IL19: variants seen among roughly 807,000 people sequenced by gnomAD.
IL19 encodes interleukin 19, also known as interleukin-19.
Under a neutral mutation model 19.5 loss-of-function variants are expected in IL19, and 15 were observed. The ratio of observed to expected loss-of-function variants is 0.77; its 90% CI spans 0.52 to 1.19. IL19 has a LOEUF of 1.19. Ranked by LOEUF, IL19 falls within the 50% of genes most tolerant of loss-of-function variation. The probability of loss-of-function intolerance (pLI) is 0.00; values close to 1 mark genes in which losing one functional copy is unlikely to be tolerated. For synonymous variants in IL19, 78 were observed against 78.3 expected, an observed-to-expected ratio of 1.00 and a Z score of 0.02; for missense variants, 199 against 213.1, an observed-to-expected ratio of 0.93 and a Z score of 0.41.
At chr1:206,774,833 A>G (rs1674952411) in intron 1 of IL19, among the ~76,000 whole-genome samples, 1 of 152,040 alleles carries the variant, frequency 6.6e-6, no homozygotes, top group Non-Finnish European at 1.5e-5. Flanking sequence ...GAGGCTAAGG[A>G]GGTGGTCTGG....
intron 2 of IL19, chr1:206,833,759 C>G: frequency 1.0e-6 from 1 of 985,498 alleles, no homozygotes; most frequent in Non-Finnish European, 1.2e-6. Context: ...AGAGAACCCT[C>G]CAGGGGACAA....
chr1:206,791,794 T>C (rs1432798521), intron 1 of IL19, among the ~76,000 whole-genome samples: 2 of 152,208 alleles, frequency 1.3e-5, no homozygotes, highest in Admixed American at 1.3e-4. Context: ...TTCTTAAAGG[T>C]AACTGGCCAA....
intron 1 of IL19, among the ~76,000 whole-genome samples, chr1:206,775,134 G>T (rs943296136): frequency 2.0e-5 from 3 of 151,652 alleles, no homozygotes; most frequent in African/African-American, 7.3e-5. Flanking sequence ...TCTGCCTCCC[G>T]AGTTCAAGCC....
At chr1:206,808,970 G>A (rs2102466157) in intron 2 of IL19, among the ~76,000 whole-genome samples, 1 of 152,326 alleles carries the variant, frequency 6.6e-6, no homozygotes, top group South Asian at 2.1e-4. Flanking sequence ...AAGGAAGGCA[G>A]AAGGTTCTGG....
At chr1:206,776,584 C>A (rs983922703) in intron 1 of IL19, among the ~76,000 whole-genome samples, 4 of 152,044 alleles carry the variant, frequency 2.6e-5, no homozygotes, top group African/African-American at 9.7e-5. Context: ...AGAGCGGGGA[C>A]TGAGAGACAG....
At position 206,836,939 on chromosome 1, in the gene IL19, C is replaced by T; in HGVS notation, c.145-19C>T. 1.2e-6 allele frequency: 2 copies of T among 1,612,156 alleles called. No individual in the cohort carries two copies. The highest frequency in any genetic ancestry group is 1.7e-6 in the Non-Finnish European group (2 of 1,178,258). On this transcript the variant is annotated intron_variant, in intron 3 of 6. Transcript: ENST00000659997. ...AGGATACCGATTGCTTATGTCTGTT[C>T]TTATGTTTCCCTCCACAGCAAGCTA...
intron 2 of IL19, among the ~76,000 whole-genome samples, chr1:206,824,057 A>G (rs1308350378): frequency 6.6e-6 from 1 of 152,208 alleles, no homozygotes; most frequent in Non-Finnish European, 1.5e-5. Context: ...TTTGAGGGGC[A>G]AAACTGCTGC....
intron 1 of IL19, among the ~76,000 whole-genome samples, chr1:206,797,729 A>G (rs988846712): frequency 2.6e-5 from 4 of 152,328 alleles, no homozygotes; most frequent in Admixed American, 2.0e-4. Context: ...GCAGCTGGCC[A>G]TTTCAGACTA....
At chr1:206,779,629 C>T (rs1342487448) in intron 1 of IL19, among the ~76,000 whole-genome samples, 1 of 152,190 alleles carries the variant, frequency 6.6e-6, no homozygotes, top group Non-Finnish European at 1.5e-5. Context: ...CCAATCTGAT[C>T]ATGACTCTGT....
At chr1:206,791,609 T>C (rs1418365815) in intron 1 of IL19, among the ~76,000 whole-genome samples, 1 of 152,124 alleles carries the variant, frequency 6.6e-6, no homozygotes, top group East Asian at 1.9e-4. Context: ...AGTCCCTATG[T>C]TTTGACTTTG....
At chr1:206,808,871 T>C (rs1675927355) in intron 2 of IL19, among the ~76,000 whole-genome samples, 1 of 152,142 alleles carries the variant, frequency 6.6e-6, no homozygotes, top group South Asian at 2.1e-4. Context: ...GTGAAGAGGC[T>C]GCAGGGGCTA....
At chr1:206,798,227 T>A (rs1195652337) in intron 1 of IL19, among the ~76,000 whole-genome samples, 2 of 152,184 alleles carry the variant, frequency 1.3e-5, no homozygotes, top group African/African-American at 4.8e-5. Flanking sequence ...CATAGTGCAC[T>A]GCAGCTGCCT....
chr1:206,835,000 A>C (rs948353132), intron 2 of IL19, among the ~76,000 whole-genome samples: 2 of 152,220 alleles, frequency 1.3e-5, no homozygotes, highest in Non-Finnish European at 2.9e-5. Context: ...TGAGAAAATT[A>C]CGTAAAATTC....
Position 206,808,670 on chromosome 1 carries a change from C to T in IL19, c.-3+9664C>T, listed in dbSNP as rs527580022. 1.2e-4 allele frequency among the ~76,000 whole-genome samples: 19 copies of T among 152,246 alleles called. 2 individuals carry two copies. In the South Asian group the frequency reaches 3.7e-3, roughly 30 times the overall value. ...AAGAAAACTCGCGGTAGGTTAAACT[C>T]ACAGAGGGTAGTGTAGAAAGTGTTG... On this transcript the variant is annotated intron_variant, in intron 2 of 6. Transcript: ENST00000659997.
chr1:206,834,565 A>G (rs1676720380), intron 2 of IL19, among the ~76,000 whole-genome samples: 1 of 152,150 alleles, frequency 6.6e-6, no homozygotes, highest in South Asian at 2.1e-4. Context: ...GAAAAGGTGA[A>G]TTTTCTAGTA....
intron 2 of IL19, chr1:206,829,158 T>C (rs1676522023): frequency 6.6e-6 from 1 of 152,118 alleles, no homozygotes; most frequent in African/African-American, 2.4e-5. Context: ...CTGAATTCAA[T>C]TTCTTAAAAG....
chr1:206,841,190 C>T (rs1479954699), intron 6 of IL19, 112 bp downstream of exon 6: 5 of 800,538 alleles, frequency 6.2e-6, no homozygotes, highest in Non-Finnish European at 1.1e-5. Flanking sequence ...TATAAGCAGC[C>T]ATTGTGGGCA....
chr1:206,812,303 C>A (rs1174682182), intron 2 of IL19, among the ~76,000 whole-genome samples: 3 of 152,190 alleles, frequency 2.0e-5, no homozygotes, highest in African/African-American at 7.2e-5. Context: ...CATCCCTGTG[C>A]CTTTGAACTC....
chr1:206,791,837 C>T (rs923649093), intron 1 of IL19, among the ~76,000 whole-genome samples: 1 of 152,212 alleles, frequency 6.6e-6, no homozygotes, highest in African/African-American at 2.4e-5. Context: ...TGTAACTGCA[C>T]CTCTCACCAT....
Sources: allele counts gnomAD v4.1 joint callset (sites outside exome capture counted in the v4.1 genomes callset), GRCh38; gene constraint gnomAD v4.1.1; transcripts MANE v1.5; gene names NCBI Gene and HGNC (gene_info 2026-07-23, HGNC 2026-07-21).